Variants in MSRA observed in about 807,000 individuals in gnomAD.
MSRA encodes the protein mitochondrial peptide methionine sulfoxide reductase.
In MSRA, 54 loss-of-function variants were observed where a neutral mutation model predicts 31.3. The observed-to-expected ratio is 1.73, with a 90% CI of 1.39 to 2.17. MSRA has a LOEUF of 2.17. Ranked by LOEUF, MSRA falls within the 30% of genes most tolerant of loss-of-function variation. The pLI is 0.00. For synonymous variants in MSRA, 169 were observed against 116.5 expected (o/e 1.45, Z -2.90); for missense variants, 507 against 300.9 (o/e 1.69, Z -5.07).
chr8:10,384,282 G>A lies in MSRA; in HGVS notation c.544-43866G>A, dbSNP rs140782126. ...ACCCCAGCCTGCTTGCTCTGACGCC[G>A]TCAAATCCATTGAGAGATGCTGTCA... On this transcript the variant is annotated intron_variant, in intron 5 of 5. Coordinates refer to ENST00000317173, the MANE Select transcript of MSRA (RefSeq NM_012331.5). 1.8e-3 allele frequency among the ~76,000 whole-genome samples: 277 copies of A among 152,280 alleles called. 5 individuals carry two copies. Among genetic ancestry groups the A allele is most frequent in the African/African-American group, 6.2e-3 (258 of 41,562 alleles).
chr8:10,185,716 T>C (rs576279077), intron 1 of MSRA, among the ~76,000 whole-genome samples: 13 of 152,168 alleles, frequency 8.5e-5, no homozygotes, highest in Non-Finnish European at 1.3e-4. Context: ...TTTTGTGGAA[T>C]CCTGGATGAG....
chr8:10,222,080 C>CT (rs202196814), intron 2 of MSRA, among the ~76,000 whole-genome samples: 343 of 144,944 alleles, frequency 2.4e-3, no homozygotes, highest in African/African-American at 4.1e-3. Context: ...TATGACGTGA[C>CT]TTTTTTTTTT....
At chr8:10,353,885 A>T (rs1416251698) in intron 5 of MSRA, 2 of 231,664 alleles carry the variant, frequency 8.6e-6, no homozygotes, top group Non-Finnish European at 1.7e-5. Context: ...ATATGAAGAC[A>T]AAAAGATGAA....
At chr8:10,149,303 A>G (rs1373050329) in intron 1 of MSRA, among the ~76,000 whole-genome samples, 1 of 151,984 alleles carries the variant, frequency 6.6e-6, no homozygotes, top group African/African-American at 2.4e-5. Flanking sequence ...TTGTATTTTT[A>G]GTAGAGATGG....
chr8:10,241,276 G>A (rs1170065203), intron 2 of MSRA, among the ~76,000 whole-genome samples: 1 of 152,112 alleles, frequency 6.6e-6, no homozygotes, highest in African/African-American at 2.4e-5. Context: ...TGCAAGGTGA[G>A]TCTGGGACAT....
At chr8:10,330,060 G>T (rs976218727) in intron 5 of MSRA, among the ~76,000 whole-genome samples, 1 of 137,952 alleles carries the variant, frequency 7.2e-6, no homozygotes, top group Non-Finnish European at 1.6e-5. Flanking sequence ...AAAGCATTTG[G>T]ATGTTTGGCA....
In MSRA at chr8:10,121,017, A is replaced by T. The variant is rs185542323; in HGVS notation, c.142+66359A>T. 2.8e-4 allele frequency among the ~76,000 whole-genome samples: 42 copies of T among 152,354 alleles called. No homozygotes were observed. In the East Asian group the frequency reaches 6.4e-3, roughly 23 times the overall value. On this transcript the variant is annotated intron_variant, in intron 1 of 5. Coordinates refer to ENST00000317173, the MANE Select transcript of MSRA (RefSeq NM_012331.5). ...AAATAAAAAGCTTTCGTTTGCGTTA[A>T]AATTAAGTCAAACATTTCAGAAAAA...
At chr8:10,425,420 G>A (rs1309852937) in intron 5 of MSRA, among the ~76,000 whole-genome samples, 1 of 152,256 alleles carries the variant, frequency 6.6e-6, no homozygotes, top group East Asian at 1.9e-4. Flanking sequence ...GGGGTCCCTG[G>A]GCCTGCAGGT....
chr8:10,070,454 A>G (rs1379449873), intron 1 of MSRA, among the ~76,000 whole-genome samples: 1 of 152,238 alleles, frequency 6.6e-6, no homozygotes, highest in African/African-American at 2.4e-5. Flanking sequence ...TTAGATTTAC[A>G]TGCAGTAGTT....
At chr8:10,386,523 T>C (rs73662824) in intron 5 of MSRA, among the ~76,000 whole-genome samples, 3,945 of 152,284 alleles carry the variant, frequency 0.026, 161 homozygotes, top group African/African-American at 0.09. Context: ...AATCTGTGTT[T>C]GTAAAGGCTA....
At chr8:10,101,966 C>A (rs1476253396) in intron 1 of MSRA, among the ~76,000 whole-genome samples, 2 of 152,158 alleles carry the variant, frequency 1.3e-5, no homozygotes, top group Non-Finnish European at 2.9e-5. Context: ...GTACTCCCTT[C>A]TTTTGCCTTT....
intron 1 of MSRA, among the ~76,000 whole-genome samples, chr8:10,200,758 T>C (rs371638402): frequency 2.6e-5 from 4 of 152,104 alleles, no homozygotes; most frequent in South Asian, 2.1e-4. Context: ...ATATCGCACA[T>C]TGTAGGAGCT....
chr8:10,275,148 G>A (rs1799257511), intron 3 of MSRA, among the ~76,000 whole-genome samples: 2 of 151,788 alleles, frequency 1.3e-5, no homozygotes, highest in South Asian at 2.1e-4. Flanking sequence ...TTCTCATAAT[G>A]TGCCAAAGAA....
At chr8:10,228,649 G>A (rs1359442272) in intron 2 of MSRA, among the ~76,000 whole-genome samples, 1 of 152,164 alleles carries the variant, frequency 6.6e-6, no homozygotes, top group African/African-American at 2.4e-5. Context: ...CAGAAAGGAC[G>A]TCGGCTTTGA....
intron 5 of MSRA, among the ~76,000 whole-genome samples, chr8:10,361,577 C>G (rs1348027034): frequency 6.6e-6 from 1 of 152,096 alleles, no homozygotes; most frequent in Non-Finnish European, 1.5e-5. Context: ...GCTGCAAACT[C>G]GGGATGTAAA....
At chr8:10,388,117 G>A (rs1228474196) in intron 5 of MSRA, among the ~76,000 whole-genome samples, 3 of 152,278 alleles carry the variant, frequency 2.0e-5, no homozygotes, top group East Asian at 3.9e-4. Flanking sequence ...CATCTCATAT[G>A]TACATGGGAG....
chr8:10,197,027 A>G (rs1211521741), intron 1 of MSRA, among the ~76,000 whole-genome samples: 3 of 152,240 alleles, frequency 2.0e-5, no homozygotes, highest in Non-Finnish European at 2.9e-5. Flanking sequence ...GTCTATAGCC[A>G]TGTGTTTCAG....
chr8:10,120,663 CA>C (rs1438206398), intron 1 of MSRA, among the ~76,000 whole-genome samples: 7 of 152,178 alleles, frequency 4.6e-5, no homozygotes, highest in Admixed American at 3.9e-4. Flanking sequence ...AGTTAGAATA[CA>C]GTAGGGGAGA....
At chr8:10,427,639 G>A (rs1204553712) in intron 5 of MSRA, among the ~76,000 whole-genome samples, 1 of 152,198 alleles carries the variant, frequency 6.6e-6, no homozygotes, top group Admixed American at 6.5e-5. Context: ...TCCTGTTCCT[G>A]AGCTGGTGGG....
Sources: gnomAD v4.1 joint callset for allele counts (sites outside exome capture counted in the v4.1 genomes callset) on GRCh38, gnomAD v4.1.1 for gene constraint, MANE v1.5 for transcripts, NCBI Gene and HGNC (gene_info 2026-07-23, HGNC 2026-07-21) for gene names.